CDH7: variants seen among roughly 807,000 people sequenced by gnomAD.
The protein encoded by CDH7 is cadherin-7.
A neutral mutation model predicts 71.8 loss-of-function variants in CDH7; 25 were observed. The ratio of observed to expected loss-of-function variants is 0.35; its 90% CI spans 0.25 to 0.49. CDH7 has a LOEUF of 0.49. Among genes scored for constraint, CDH7 ranks in the 20% least tolerant of loss-of-function variants. The pLI, the probability that CDH7 is intolerant of heterozygous loss-of-function variation, is 0.99. For synonymous variants in CDH7, 381 were observed against 363.8 expected (o/e 1.05, Z -0.54); for missense variants, 862 against 974.6 (o/e 0.88, Z 1.54).
chr18:65,782,141 T>C (rs867109664), intron 2 of CDH7, among the ~76,000 whole-genome samples: 1 of 103,270 alleles, frequency 9.7e-6, no homozygotes, highest in African/African-American at 6.0e-5. Context: ...TTTCTTTCTT[T>C]CTTTCTTTCT....
intron 1 of CDH7, among the ~76,000 whole-genome samples, chr18:65,760,108 CAT>C (rs1843004703): frequency 6.6e-6 from 1 of 152,134 alleles, no homozygotes; most frequent in South Asian, 2.1e-4. Flanking sequence ...CTAATTTTAA[CAT>C]AGCCAGTTTC....
chr18:65,879,457 C>T (rs977852995), intron 11 of CDH7, among the ~76,000 whole-genome samples: 6 of 152,136 alleles, frequency 3.9e-5, no homozygotes, highest in African/African-American at 1.2e-4. Flanking sequence ...TTTTTAAATT[C>T]CAAAATTCAA....
At chr18:65,823,091 G>A (rs1418111046) in intron 5 of CDH7, among the ~76,000 whole-genome samples, 1 of 151,816 alleles carries the variant, frequency 6.6e-6, no homozygotes, top group African/African-American at 2.4e-5. Flanking sequence ...GAATTTAGAA[G>A]TGAATCATAT....
intron 2 of CDH7, among the ~76,000 whole-genome samples, chr18:65,804,742 A>G (rs1025159019): frequency 7.7e-6 from 1 of 130,668 alleles, no homozygotes; most frequent in Non-Finnish European, 1.7e-5. Context: ...GAGAGAGAGA[A>G]AAAGGGAGAG....
At chr18:65,818,519 T>C (rs1210574499) in intron 4 of CDH7, among the ~76,000 whole-genome samples, 1 of 152,246 alleles carries the variant, frequency 6.6e-6, no homozygotes, top group African/African-American at 2.4e-5. Flanking sequence ...ATTGGAATTT[T>C]CTTCCTGAAT....
rs948525084 is a variant in CDH7 at position 65,882,227 on chromosome 18, G to A, written c.*1333G>A. 1.3e-5 allele frequency: 2 copies of A among 152,110 alleles called. No individual in the cohort carries two copies. Among genetic ancestry groups the A allele is most frequent in the Non-Finnish European group, 2.9e-5 (2 of 68,006 alleles). 9.4% of individuals were successfully genotyped at this position (152,110 alleles called of 1,614,324 possible). ...GTTTAGATGTGCCAAAGGAAGGAAG[G>A]CAATTGCAAGTCATCATGTGTTTAA... On this transcript the variant is annotated 3_prime_UTR_variant, in exon 12 of 12. Transcript: ENST00000397968.
chr18:65,846,015 A>T (rs1912922483), intron 7 of CDH7, among the ~76,000 whole-genome samples: 1 of 152,094 alleles, frequency 6.6e-6, no homozygotes, highest in Admixed American at 6.6e-5. Context: ...ATCCTGTTTA[A>T]ATTATTCTAT....
intron 2 of CDH7, among the ~76,000 whole-genome samples, chr18:65,804,425 T>G (rs1911237741): frequency 6.6e-6 from 1 of 152,154 alleles, no homozygotes; most frequent in African/African-American, 2.4e-5. Context: ...TTGAATTGAT[T>G]GTTTTTACCT....
rs1914342122 is a variant in CDH7, at chr18:65,885,372, G to GTGTTTTTTTTT, written c.*4479_*4480insGTTTTTTTTTT. The GTGTTTTTTTTT allele has an allele frequency of 4.3e-5, 3 of 69,436 alleles. No homozygotes were observed. Among genetic ancestry groups the GTGTTTTTTTTT allele is most frequent in the African/African-American group, 1.6e-4 (3 of 19,180 alleles). 4.3% of individuals were successfully genotyped at this position (69,436 alleles called of 1,614,324 possible). On this transcript the variant is annotated 3_prime_UTR_variant, in exon 12 of 12. Transcript: ENST00000397968. ...GTAACTGAAAAGGATGTGTGCCTGT[G>GTGTTTTTTTTT]TTTTTTTTTTTTTTTTTTTTTTTGA...
At position 65,884,546 on chromosome 18, in the gene CDH7, T is replaced by G. The variant is rs942930875; in HGVS notation, c.*3652T>G. 3 of 152,194 alleles carry G rather than the reference T, an allele frequency of 2.0e-5. No individual in the cohort carries two copies. Among genetic ancestry groups the G allele is most frequent in the African/African-American group, 7.2e-5 (3 of 41,444 alleles). 9.4% of individuals were successfully genotyped at this position (152,194 alleles called of 1,614,324 possible). The stretch of plus-strand genomic sequence containing the variant: ...ATTTTATCTTCATGCACAATTACAT[T>G]TACTACATTGGATGGTAGACATAGG... On this transcript the variant is annotated 3_prime_UTR_variant, in exon 12 of 12. Transcript: ENST00000397968.
intron 2 of CDH7, among the ~76,000 whole-genome samples, chr18:65,784,453 A>T (rs1234555598): frequency 6.6e-6 from 1 of 152,132 alleles, no homozygotes; most frequent in Admixed American, 6.6e-5. Flanking sequence ...AGTTTGGAGT[A>T]AGTAGCGTAT....
intron 4 of CDH7, among the ~76,000 whole-genome samples, chr18:65,821,165 A>G (rs1166001734): frequency 6.6e-6 from 1 of 151,922 alleles, no homozygotes; most frequent in Non-Finnish European, 1.5e-5. Flanking sequence ...AAAGGTGGAG[A>G]TATGTCCCAG....
chr18:65,767,043 C>T (rs932927449), intron 2 of CDH7, among the ~76,000 whole-genome samples: 4 of 151,432 alleles, frequency 2.6e-5, no homozygotes, highest in African/African-American at 4.8e-5. Context: ...ATGTGTGCTT[C>T]GTGCCTCTTC....
At chr18:65,802,862 C>G (rs1911174721) in intron 2 of CDH7, among the ~76,000 whole-genome samples, 1 of 152,062 alleles carries the variant, frequency 6.6e-6, no homozygotes, top group Admixed American at 6.6e-5. Flanking sequence ...GAGTTGCTGT[C>G]TTTTGGTCCC....
Position 65,880,801 on chromosome 18 carries a change from T to C in CDH7, c.2265T>C (p.Ser755=), listed in dbSNP as rs1388564348. 1 of 1,614,158 alleles carries C rather than the reference T, an allele frequency of 6.2e-7. No homozygotes were observed. Among genetic ancestry groups the C allele is most frequent in the African/African-American group, 1.3e-5 (1 of 75,046 alleles). Residue 755 remains serine (S), a synonymous_variant, in exon 12 of 12, where the codon TCT becomes TCC. Transcript: ENST00000397968. ...CTTTAGATTCCATCAGCTCAAACTC[T>C]GATCAGAACTATGACTACCTAAGTG... is the stretch of plus-strand genomic sequence containing the variant. ...LSSLDSISSN[S]DQNYDYLSDW... is the part of the protein sequence containing the mutation.
intron 1 of CDH7, among the ~76,000 whole-genome samples, chr18:65,759,903 C>T (rs1209673053): frequency 6.6e-6 from 1 of 152,060 alleles, no homozygotes; most frequent in Non-Finnish European, 1.5e-5. Context: ...GAAGGCATGC[C>T]TTTAAGAAAT....
At chr18:65,812,384 C>T (rs1048541014) in intron 3 of CDH7, among the ~76,000 whole-genome samples, 1 of 152,140 alleles carries the variant, frequency 6.6e-6, no homozygotes, top group African/African-American at 2.4e-5. Context: ...ATTCAGACCA[C>T]TAACTTAATA....
rs760958743 is a variant in CDH7 at position 65,857,939 on chromosome 18, T to C, written c.1359T>C (p.Leu453=). 3 of 1,613,282 alleles carry C rather than the reference T, an allele frequency of 1.9e-6. No homozygotes were observed. In the Admixed American group the frequency reaches 5.0e-5, roughly 27 times the overall value. Residue 453 remains leucine (L), a synonymous_variant, in exon 8 of 12, where the codon CTT becomes CTC. Transcript: ENST00000397968. ...ETNAIHNITV[L]AMESQNPSQV... ...ATGCTATTCACAATATCACAGTCCTTGCAATGGAGAGCCGTAAGTTGTGAG... is the reference window on the plus strand; with the variant it reads ...ATGCTATTCACAATATCACAGTCCTCGCAATGGAGAGCCGTAAGTTGTGAG...
At position 65,885,372 on chromosome 18, in the gene CDH7, G is replaced by GTTTTTTTTTTTTTTTCTTTTTTTT. The variant is rs1914343912; in HGVS notation, c.*4493_*4494insCTTTTTTTTTTTTTTTTTTTTTTT. 2 of 69,436 alleles carry GTTTTTTTTTTTTTTTCTTTTTTTT rather than the reference G, an allele frequency of 2.9e-5. No homozygotes were observed. The highest frequency in any genetic ancestry group is 5.3e-5 in the Non-Finnish European group (2 of 37,390). The allele number at this position is 69,436 out of a possible 1,614,324, so 4.3% of individuals were successfully genotyped here. ...GTAACTGAAAAGGATGTGTGCCTGT[G>GTTTTTTTTTTTTTTTCTTTTTTTT]TTTTTTTTTTTTTTTTTTTTTTTGA... On this transcript the variant is annotated 3_prime_UTR_variant, in exon 12 of 12. Coordinates refer to ENST00000397968, the MANE Select transcript of CDH7 (RefSeq NM_004361.5).
Sources: gnomAD v4.1 joint callset for allele counts (sites outside exome capture counted in the v4.1 genomes callset) on GRCh38, gnomAD v4.1.1 for gene constraint, MANE v1.5 for transcripts, NCBI Gene and HGNC (gene_info 2026-07-23, HGNC 2026-07-21) for gene names.